ATF7: variants seen among roughly 807,000 people sequenced by gnomAD.
The protein encoded by ATF7 is activating transcription factor 7.
Under a neutral mutation model 50.4 loss-of-function variants are expected in ATF7, and 10 were observed. The ratio of observed to expected loss-of-function variants is 0.20; its 90% CI spans 0.12 to 0.34. The LOEUF (loss-of-function observed/expected upper bound fraction) is 0.34, where lower values mean the gene tolerates loss of function less well. ATF7 is among the 10% of genes least tolerant of loss of function. The probability of loss-of-function intolerance (pLI) is 1.00; values close to 1 mark genes in which losing one functional copy is unlikely to be tolerated. For missense variants in ATF7, 465 were observed against 613.9 expected, an observed-to-expected ratio of 0.76 and a Z score of 2.56; for synonymous variants, 201 against 226.4, an observed-to-expected ratio of 0.89 and a Z score of 1.01.
intron 2 of ATF7, among the ~76,000 whole-genome samples, chr12:53,561,647 T>C (rs1174770551): frequency 6.6e-6 from 1 of 152,168 alleles, no homozygotes; most frequent in Non-Finnish European, 1.5e-5. Flanking sequence ...CAAACATAAC[T>C]TTCATTTCTA....
intron 3 of ATF7, among the ~76,000 whole-genome samples, chr12:53,544,882 T>C (rs896246921): frequency 1.4e-5 from 2 of 145,866 alleles, no homozygotes; most frequent in African/African-American, 5.2e-5. Flanking sequence ...AATCAGAGTG[T>C]TTGGAAAAGT....
chr12:53,557,049 T>C (rs1322366522), intron 2 of ATF7, among the ~76,000 whole-genome samples: 1 of 151,998 alleles, frequency 6.6e-6, no homozygotes, highest in Non-Finnish European at 1.5e-5. Flanking sequence ...CACACCATAG[T>C]GCCTGGCTAA....
At chr12:53,612,165 G>A (rs191512042) in intron 1 of ATF7, among the ~76,000 whole-genome samples, 3 of 151,222 alleles carry the variant, frequency 2.0e-5, no homozygotes, top group East Asian at 2.0e-4. Flanking sequence ...TAGTAGAGAC[G>A]GGGTTTCACC....
chr12:53,558,247 T>C (rs1026299498), intron 2 of ATF7, among the ~76,000 whole-genome samples: 11 of 152,198 alleles, frequency 7.2e-5, no homozygotes, highest in African/African-American at 9.7e-5. Flanking sequence ...ACTGGGAGGA[T>C]GCTACTGGCC....
chr12:53,596,309 A>G (rs1001289902), intron 2 of ATF7, among the ~76,000 whole-genome samples: 11 of 152,290 alleles, frequency 7.2e-5, no homozygotes, highest in Non-Finnish European at 1.2e-4. Context: ...TCACAAAAAC[A>G]AAACAAAAAA....
At chr12:53,569,026 C>T (rs535356664) in intron 2 of ATF7, among the ~76,000 whole-genome samples, 3 of 152,026 alleles carry the variant, frequency 2.0e-5, no homozygotes, top group Non-Finnish European at 4.4e-5. Context: ...GGCATGGTGG[C>T]ACATGCCTGT....
chr12:53,568,347 T>C (rs1175060726), intron 2 of ATF7, among the ~76,000 whole-genome samples: 1 of 151,384 alleles, frequency 6.6e-6, no homozygotes, highest in East Asian at 1.9e-4. Context: ...TGCACTCGTC[T>C]CTAAAACCGT....
At chr12:53,589,846 GTTCT>G (rs1942869332) in intron 2 of ATF7, among the ~76,000 whole-genome samples, 1 of 152,158 alleles carries the variant, frequency 6.6e-6, no homozygotes, top group South Asian at 2.1e-4. Flanking sequence ...GGAAGAAATG[GTTCT>G]TTCTTTCTAA....
At chr12:53,599,359 G>C (rs1285192451) in intron 2 of ATF7, among the ~76,000 whole-genome samples, 1 of 151,900 alleles carries the variant, frequency 6.6e-6, no homozygotes, top group Non-Finnish European at 1.5e-5. Flanking sequence ...TTTTAGAAAT[G>C]TATTTCAATA....
At chr12:53,546,114 C>T (rs1939887686) in intron 3 of ATF7, among the ~76,000 whole-genome samples, 1 of 152,088 alleles carries the variant, frequency 6.6e-6, no homozygotes, top group African/African-American at 2.4e-5. Flanking sequence ...ATTGCTTGAA[C>T]CTGGGAGGCA....
chr12:53,525,764 T>C (rs77696311), intron 9 of ATF7, among the ~76,000 whole-genome samples: 1 of 152,344 alleles, frequency 6.6e-6, no homozygotes, highest in Non-Finnish European at 1.5e-5. Context: ...TTTCTGTTAG[T>C]TGGGATGCAC....
chr12:53,605,175 G>A (rs940365201), intron 1 of ATF7, among the ~76,000 whole-genome samples: 8 of 151,974 alleles, frequency 5.3e-5, no homozygotes, highest in African/African-American at 1.7e-4. Flanking sequence ...GATCACCCGA[G>A]GTCAGGAGTT....
intron 11 of ATF7, chr12:53,517,600 A>G (rs762656777): frequency 5.3e-5 from 28 of 531,934 alleles, no homozygotes; most frequent in Non-Finnish European, 8.5e-5. Context: ...TGAATCTCCA[A>G]CATGTTAATT....
chr12:53,523,983 C>T (rs1938281993), intron 10 of ATF7, among the ~76,000 whole-genome samples: 1 of 152,096 alleles, frequency 6.6e-6, no homozygotes, highest in African/African-American at 2.4e-5. Flanking sequence ...AAGGTACATA[C>T]TGAATGTATC....
intron 2 of ATF7, among the ~76,000 whole-genome samples, chr12:53,554,776 T>C (rs567949122): frequency 2.0e-5 from 3 of 147,038 alleles, no homozygotes; most frequent in East Asian, 4.3e-4. Flanking sequence ...GGCACGAGAA[T>C]TGCTTGAACC....
In ATF7 at chr12:53,533,206, A is replaced by G. The variant is rs1296075393; in HGVS notation, c.614T>C (p.Met205Thr). 6.2e-7 allele frequency: 1 copy of G among 1,613,806 alleles called. No individual in the cohort carries two copies. Among genetic ancestry groups the G allele is most frequent in the African/African-American group, 1.3e-5 (1 of 74,918 alleles). The change falls in exon 7 of 12, where the codon ATG becomes ACG. Residue 205 changes from methionine (M) to threonine (T), a missense_variant. Physicochemically the swap from Met to Thr is moderately conservative, Grantham distance 81. Coordinates refer to ENST00000420353, the MANE Select transcript of ATF7 (RefSeq NM_006856.3). ...LVMHLANGQT[M>T]PVLPGPPVQM... is the part of the protein sequence containing the mutation. Reference sequence around the variant, plus strand: ...TACTGGAGGCCCTGGCAACACAGGCATGGTCTGTCCATTAGCAAGATGCAT... The same window carrying G: ...TACTGGAGGCCCTGGCAACACAGGCGTGGTCTGTCCATTAGCAAGATGCAT...
intron 11 of ATF7, chr12:53,522,794 G>A (rs1938201975): frequency 6.5e-6 from 1 of 154,176 alleles, no homozygotes; most frequent in African/African-American, 2.4e-5. Flanking sequence ...GTGAACCTGG[G>A]AGGCAGAGCT....
At chr12:53,545,312 G>GT (rs1395405028) in intron 3 of ATF7, among the ~76,000 whole-genome samples, 1 of 152,064 alleles carries the variant, frequency 6.6e-6, no homozygotes, top group Non-Finnish European at 1.5e-5. Flanking sequence ...AAAAAAATCA[G>GT]TAAGTGTTTG....
chr12:53,552,150 G>T (rs185712924), intron 3 of ATF7, among the ~76,000 whole-genome samples: 148 of 152,312 alleles, frequency 9.7e-4, no homozygotes, highest in African/African-American at 3.3e-3. Context: ...TGGAAGAGAA[G>T]CAACCAGGCT....
Sources: allele counts gnomAD v4.1 joint callset (sites outside exome capture counted in the v4.1 genomes callset), GRCh38; gene constraint gnomAD v4.1.1; transcripts MANE v1.5; gene names NCBI Gene and HGNC (gene_info 2026-07-23, HGNC 2026-07-21).